The following HERC5 variants were observed in gnomAD, a reference collection of about 807,000 sequenced individuals.
HERC5 encodes the protein HECT and RLD domain containing E3 ubiquitin protein ligase 5.
A neutral mutation model predicts 119.6 loss-of-function variants in HERC5; 99 were observed. The observed-to-expected ratio is 0.83, with a 90% CI of 0.70 to 0.98. HERC5 has a LOEUF of 0.98. HERC5 is among the 50% of genes least tolerant of loss of function. The pLI is 0.00. For synonymous variants in HERC5, 478 were observed against 445.9 expected, an observed-to-expected ratio of 1.07 and a Z score of -0.91; for missense variants, 1,267 against 1,241.3, an observed-to-expected ratio of 1.02 and a Z score of -0.31.
rs189574042 is a variant in HERC5 at position 88,491,961 on chromosome 4, A to G, written c.2134-1051A>G. ...GGAGCAAACAGCCACTTCAGCAAAC[A>G]CCTTATGTGTGCTCTGGTTTTTTGA... On this transcript the variant is annotated intron_variant, in intron 16 of 22. Coordinates refer to ENST00000264350, the MANE Select transcript of HERC5 (RefSeq NM_016323.4). Among the ~76,000 whole-genome samples the G allele has an allele frequency of 3.2e-3, 480 of 152,060 alleles. 5 individuals carry two copies. Among genetic ancestry groups the G allele is most frequent in the African/African-American group, 0.011 (466 of 41,488 alleles).
rs867466753 is a variant in HERC5 at position 88,500,258 on chromosome 4, A to G, written c.2511+266A>G. ...GCCAGGCTGGATGGTCTACAGTGGT[A>G]TCACTCACATGCCCAGTCACTGGCA... is the stretch of plus-strand genomic sequence containing the variant. On this transcript the variant is annotated intron_variant, in intron 19 of 22. Coordinates refer to ENST00000264350, the MANE Select transcript of HERC5 (RefSeq NM_016323.4). Among the ~76,000 whole-genome samples, 5 of 152,324 alleles carry G rather than the reference A, an allele frequency of 3.3e-5. No homozygotes were observed. In the South Asian group the frequency reaches 8.3e-4, roughly 25 times the overall value.
intron 13 of HERC5, among the ~76,000 whole-genome samples, chr4:88,481,606 A>G (rs1221863743): frequency 6.6e-6 from 1 of 152,162 alleles, no homozygotes; most frequent in Non-Finnish European, 1.5e-5. Context: ...ATTACCCTAA[A>G]TCAGGGGTCG....
chr4:88,467,876 A>G (rs1490084398), intron 7 of HERC5: 16 of 985,128 alleles, frequency 1.6e-5, no homozygotes, highest in Non-Finnish European at 1.9e-5. Flanking sequence ...GGTGACCTCA[A>G]GTAACAAAAT....
rs527971957 is a variant in HERC5 at position 88,457,529 on chromosome 4, C to A, written c.260C>A (p.Thr87Lys). The A allele has an allele frequency of 8.7e-6, 11 of 1,267,176 alleles. No individual in the cohort carries two copies. The East Asian group carries it at 3.3e-4, about 38-fold the overall frequency. 78.5% of individuals were successfully genotyped at this position (1,267,176 alleles called of 1,614,324 possible). A position where few individuals can be genotyped will look rare whatever the true frequency, so the allele number is the denominator to read the frequency against. ...CTCGCCGGGAGCGGCGGCGCCCGGA[C>A]GCCGAGTGAGTGGGGCTGGTGTGTG... ...QLLAGSGGAR[T>K]PKCIKLGKNM... Residue 87 changes from threonine (T) to lysine (K), a missense_variant, in exon 1 of 23, where the codon ACG becomes AAG. Thr to Lys is a moderately conservative substitution (Grantham distance 78). Coordinates refer to ENST00000264350, the MANE Select transcript of HERC5 (RefSeq NM_016323.4).
chr4:88,462,225 A>C lies in HERC5; in HGVS notation c.557A>C (p.Glu186Ala), dbSNP rs1376948443. Residue 186 changes from glutamate (E) to alanine (A), a missense_variant, in exon 4 of 23, where the codon GAG becomes GCG. By Grantham distance (107) the Glu-to-Ala change is moderately radical. Coordinates refer to ENST00000264350, the MANE Select transcript of HERC5 (RefSeq NM_016323.4). ...FPSTTTPQIV[E>A]HLAGVPLAQI... Reference sequence around the variant, plus strand: ...TCAACCACCACACCACAGATTGTGGAGCACCTCGCAGGAGTACCCTTGGCT... The same window carrying C: ...TCAACCACCACACCACAGATTGTGGCGCACCTCGCAGGAGTACCCTTGGCT... 1 of 1,614,174 alleles carries C rather than the reference A, an allele frequency of 6.2e-7. No homozygotes were observed.
intron 13 of HERC5, among the ~76,000 whole-genome samples, chr4:88,480,510 C>T (rs1282853260): frequency 2.1e-5 from 3 of 146,228 alleles, no homozygotes; most frequent in Non-Finnish European, 4.5e-5. Flanking sequence ...CATTTTTGTT[C>T]ATATCTCTTG....
chr4:88,492,977 C>G (rs767537567), intron 16 of HERC5, 35 bp from the exon 17 acceptor site: 6 of 1,607,782 alleles, frequency 3.7e-6, no homozygotes, highest in Non-Finnish European at 5.1e-6. Context: ...ATATAGAGCC[C>G]TGGAAGTGAT....
At chr4:88,498,375 T>TA (rs1330599320) in intron 18 of HERC5, among the ~76,000 whole-genome samples, 8 of 152,176 alleles carry the variant, frequency 5.3e-5, no homozygotes, top group African/African-American at 1.9e-4. Context: ...CCTGGAAACT[T>TA]AGGAGCCCAA....
At position 88,483,200 on chromosome 4, in the gene HERC5, A is replaced by G. The variant is rs115345184; in HGVS notation, c.1738-2915A>G. ...GAAATGCTTTTAGTATCATTTACTT[A>G]TAGGGGTTTGCTGTTGTTGTTGTTG... On this transcript the variant is annotated intron_variant, in intron 13 of 22. Coordinates refer to ENST00000264350, the MANE Select transcript of HERC5 (RefSeq NM_016323.4). 9.3e-3 allele frequency among the ~76,000 whole-genome samples: 1,407 copies of G among 152,094 alleles called. 25 individuals are homozygous for G. The highest frequency in any genetic ancestry group is 0.032 in the African/African-American group (1,342 of 41,470).
At position 88,459,454 on chromosome 4, in the gene HERC5, A is replaced by G; in HGVS notation, c.373A>G (p.Ser125Gly). The G allele has an allele frequency of 6.4e-7, 1 of 1,559,210 alleles. No individual in the cohort carries two copies. Among genetic ancestry groups the G allele is most frequent in the Non-Finnish European group, 8.6e-7 (1 of 1,156,628 alleles). ...DGKPFEYDNY[S>G]MKHLRFESIL... ...AAAACCATTTGAGTATGACAACTAT[A>G]GCATGAAACATCTAAGGTAGGGAAC... Residue 125 changes from serine (S) to glycine (G), a missense_variant, in exon 2 of 23, where the codon AGC becomes GGC. Coordinates refer to ENST00000264350, the MANE Select transcript of HERC5 (RefSeq NM_016323.4).
rs533895018 is a variant in HERC5, at chr4:88,463,541, A to G, written c.698A>G (p.Asp233Gly). Residue 233 changes from aspartate (D) to glycine (G), a missense_variant, in exon 5 of 23, where the codon GAT (aspartate) becomes GGT (glycine). Asp to Gly is a moderately conservative substitution (Grantham distance 94, BLOSUM62 -1). Transcript: ENST00000264350. ...TTTTTTCCTTACATAGGTAAAGATG[A>G]TCCATCCCTTATTGAAGGACTAGAC... is the stretch of plus-strand genomic sequence containing the variant. ...LGLGHTESKD[D>G]PSLIEGLDNQ... 192 of 1,612,582 alleles carry G rather than the reference A, an allele frequency of 1.2e-4. 3 individuals are homozygous for G. The South Asian group carries it at 2.1e-3, about 17-fold the overall frequency.
In HERC5 at chr4:88,504,540, G is replaced by T; in HGVS notation, c.2812G>T (p.Val938Leu). 6.3e-7 allele frequency: 1 copy of T among 1,577,074 alleles called. No individual in the cohort carries two copies. Among genetic ancestry groups the T allele is most frequent in the South Asian group, 1.2e-5 (1 of 84,094 alleles). Residue 938 changes from valine (V) to leucine (L), a missense_variant, in exon 22 of 23, where the codon GTG (valine) becomes TTG (leucine). Transcript: ENST00000264350. The part of the protein sequence containing the change: ...PGYNSSHPTI[V>L]MFWKAFHKLT... ...ATATAACAGTTCACATCCCACCATAGTGATGTTTTGGAAGGCTTTCCACAA... is the reference window on the plus strand; with the variant it reads ...ATATAACAGTTCACATCCCACCATATTGATGTTTTGGAAGGCTTTCCACAA...
chr4:88,457,173 G>C lies in HERC5; in HGVS notation c.-97G>C. ...ACGCAGCTGCGCGCAGCTGGTTCCC[G>C]CTCTGCAGCGCAACGCCTGAGGCAG... On this transcript the variant is annotated 5_prime_UTR_variant, in exon 1 of 23. Coordinates refer to ENST00000264350, the MANE Select transcript of HERC5 (RefSeq NM_016323.4). The C allele has an allele frequency of 4.0e-6, 5 of 1,236,478 alleles. No individual in the cohort carries two copies. Among genetic ancestry groups the C allele is most frequent in the Non-Finnish European group, 5.1e-6 (5 of 989,530 alleles). The allele number at this position is 1,236,478 out of a possible 1,614,324, so 76.6% of individuals were successfully genotyped here.
rs142563973 is a variant in HERC5 at position 88,479,002 on chromosome 4, A to G, written c.1583-351A>G. On this transcript the variant is annotated intron_variant, in intron 12 of 22. Transcript: ENST00000264350. ...ATTTTGTAGACCTCAAATATACCCAATAAGCTGGTGAGGTGGCTCATGCCT... is the reference window on the plus strand; with the variant it reads ...ATTTTGTAGACCTCAAATATACCCAGTAAGCTGGTGAGGTGGCTCATGCCT... Among the ~76,000 whole-genome samples the G allele has an allele frequency of 1.6e-3, 250 of 151,946 alleles. 5 individuals carry two copies. The East Asian group carries it at 0.026, about 16-fold the overall frequency.
chr4:88,479,508 G>T lies in HERC5; in HGVS notation c.1737+1G>T. The T allele has an allele frequency of 1.9e-6, 3 of 1,563,664 alleles. No individual in the cohort carries two copies. The highest frequency in any genetic ancestry group is 2.6e-6 in the Non-Finnish European group (3 of 1,160,388). Reference sequence around the variant, plus strand: ...AGAAATGTTGAAGAAGCTGCACAGGGTAAGAGTTCCTTTAGAAACCTCTGT... The same window carrying T: ...AGAAATGTTGAAGAAGCTGCACAGGTTAAGAGTTCCTTTAGAAACCTCTGT... On this transcript the variant is annotated splice_donor_variant, in intron 13 of 22. Coordinates refer to ENST00000264350, the MANE Select transcript of HERC5 (RefSeq NM_016323.4). LOFTEE classifies it high-confidence loss of function.
chr4:88,476,671 A>G (rs1034293038), intron 12 of HERC5, among the ~76,000 whole-genome samples: 1 of 152,216 alleles, frequency 6.6e-6, no homozygotes, highest in Admixed American at 6.5e-5. Context: ...CTGTAATCTC[A>G]GCACTTTGGG....
chr4:88,482,414 G>T (rs1240044665), intron 13 of HERC5, among the ~76,000 whole-genome samples: 1 of 152,048 alleles, frequency 6.6e-6, no homozygotes, highest in Non-Finnish European at 1.5e-5. Context: ...ACCAGAAGGG[G>T]TGTCACATGC....
chr4:88,477,093 T>G (rs965308505), intron 12 of HERC5, among the ~76,000 whole-genome samples: 1 of 146,212 alleles, frequency 6.8e-6, no homozygotes, highest in Non-Finnish European at 1.5e-5. Flanking sequence ...GAATCTCATT[T>G]GAGGCCAGGA....
chr4:88,481,634 A>G (rs1008809533), intron 13 of HERC5, among the ~76,000 whole-genome samples: 1 of 152,214 alleles, frequency 6.6e-6, no homozygotes, highest in African/African-American at 2.4e-5. Flanking sequence ...TTTTCTGGAA[A>G]GGACCAGATA....
Sources: gnomAD v4.1 joint callset for allele counts (sites outside exome capture counted in the v4.1 genomes callset) on GRCh38, gnomAD v4.1.1 for gene constraint, MANE v1.5 for transcripts, NCBI Gene and HGNC (gene_info 2026-07-23, HGNC 2026-07-21) for gene names.